CALN1: variants seen among roughly 807,000 people sequenced by gnomAD.
CALN1 encodes the protein calcium-binding protein 8.
A neutral mutation model predicts 30.6 loss-of-function variants in CALN1; 17 were observed. That is an observed-to-expected ratio of 0.56 (90% CI 0.38 to 0.83). The LOEUF is 0.83. CALN1 is among the 40% of genes least tolerant of loss of function. The probability of loss-of-function intolerance (pLI) is 0.00; values close to 1 mark genes in which losing one functional copy is unlikely to be tolerated. For missense variants in CALN1, 291 were observed against 354.9 expected (o/e 0.82, Z 1.45); for synonymous variants, 156 against 131.4 (o/e 1.19, Z -1.28).
chr7:72,076,599 GAAAAAAAAAAGCAAAAAAAAAAAAAAAA>G lies in CALN1; in HGVS notation c.388+29524_388+29551del, dbSNP rs1444445070. 1.2e-3 allele frequency among the ~76,000 whole-genome samples: 34 copies of G among 29,454 alleles called. 1 individual carries two copies. Among genetic ancestry groups the G allele is most frequent in the Middle Eastern group, 0.029 (1 of 34 alleles). 19.3% of individuals were successfully genotyped at this position (29,454 alleles called of 152,430 possible). A position where few individuals can be genotyped will look rare whatever the true frequency, so the allele number is the denominator to read the frequency against. ...GGGAACAAGAGTGAAACTCCGTCTA[GAAAAAAAAAAGCAAAAAAAAAAAAAAAA>G]AAAAAAAAAAAAAAAAAAAAGCAAA... On this transcript the variant is annotated intron_variant, in intron 4 of 6. Transcript: ENST00000395275.
intron 3 of CALN1, among the ~76,000 whole-genome samples, chr7:72,193,596 G>A (rs1042038277): frequency 6.6e-6 from 1 of 152,084 alleles, no homozygotes; most frequent in East Asian, 1.9e-4. Context: ...TGGGCTAGAC[G>A]GTATATGTTA....
intron 5 of CALN1, among the ~76,000 whole-genome samples, chr7:71,962,085 G>T (rs1255843229): frequency 6.8e-6 from 1 of 146,742 alleles, no homozygotes; most frequent in African/African-American, 2.4e-5. Flanking sequence ...TGCAAGATAG[G>T]AAAGTTATTA....
At chr7:71,816,433 G>T (rs530644392) in intron 5 of CALN1, among the ~76,000 whole-genome samples, 6 of 152,112 alleles carry the variant, frequency 3.9e-5, no homozygotes, top group African/African-American at 1.4e-4. Context: ...TGAAGAGGAT[G>T]ATTTACAGAT....
chr7:72,269,756 G>C (rs513388), intron 3 of CALN1, among the ~76,000 whole-genome samples: 1 of 152,084 alleles, frequency 6.6e-6, no homozygotes, highest in Non-Finnish European at 1.5e-5. Flanking sequence ...TCTAACATAG[G>C]ATTCACAATG....
intron 2 of CALN1, among the ~76,000 whole-genome samples, chr7:72,287,150 G>A (rs1464221069): frequency 1.3e-5 from 2 of 151,950 alleles, no homozygotes; most frequent in East Asian, 3.9e-4. Context: ...TGCCTTCTTT[G>A]CTTATTTTTT....
At chr7:72,151,018 C>T (rs927720000) in intron 3 of CALN1, among the ~76,000 whole-genome samples, 1 of 152,090 alleles carries the variant, frequency 6.6e-6, no homozygotes, top group African/African-American at 2.4e-5. Context: ...CTCACACTGC[C>T]TTCCCGTCCT....
At chr7:72,442,375 C>T (rs779842651) in intron 1 of CALN1, among the ~76,000 whole-genome samples, 1 of 152,230 alleles carries the variant, frequency 6.6e-6, no homozygotes, top group Non-Finnish European at 1.5e-5. Context: ...TTTCATTCTG[C>T]TGCCACCTTT....
At chr7:72,007,140 C>A (rs150453956) in intron 5 of CALN1, among the ~76,000 whole-genome samples, 26 of 152,178 alleles carry the variant, frequency 1.7e-4, no homozygotes, top group African/African-American at 6.0e-4. Flanking sequence ...GGAATAAAGA[C>A]GACATTTCCC....
chr7:71,993,301 A>T (rs1456074506), intron 5 of CALN1, among the ~76,000 whole-genome samples: 1 of 152,096 alleles, frequency 6.6e-6, no homozygotes, highest in African/African-American at 2.4e-5. Flanking sequence ...AGATATAAGT[A>T]AGTGCTCACT....
At chr7:72,223,734 G>A (rs1793472666) in intron 3 of CALN1, among the ~76,000 whole-genome samples, 1 of 152,188 alleles carries the variant, frequency 6.6e-6, no homozygotes, top group South Asian at 2.1e-4. Flanking sequence ...CAGTAGCAAA[G>A]ACATGAAATC....
intron 4 of CALN1, among the ~76,000 whole-genome samples, chr7:72,037,929 CAG>C (rs1001397459): frequency 6.6e-6 from 1 of 152,156 alleles, no homozygotes; most frequent in African/African-American, 2.4e-5. Context: ...TGGCTCCCCA[CAG>C]GGGGAAAATA....
intron 2 of CALN1, among the ~76,000 whole-genome samples, chr7:72,323,983 G>T (rs76087980): frequency 2.0e-5 from 3 of 151,684 alleles, no homozygotes; most frequent in Admixed American, 2.0e-4. Context: ...GGTTGAGGCT[G>T]TGCCACTGCA....
chr7:72,357,549 G>A (rs545931501), intron 2 of CALN1, among the ~76,000 whole-genome samples: 7 of 151,946 alleles, frequency 4.6e-5, no homozygotes, highest in South Asian at 4.1e-4. Flanking sequence ...ATCTTACCAT[G>A]AGCATCATGA....
intron 2 of CALN1, among the ~76,000 whole-genome samples, chr7:72,295,169 TTAAAA>T (rs945868620): frequency 1.3e-5 from 2 of 152,188 alleles, no homozygotes; most frequent in African/African-American, 4.8e-5. Flanking sequence ...TAAAATTTTT[TTAAAA>T]TAAAATAGAA....
At chr7:71,891,068 A>T (rs1207799056) in intron 5 of CALN1, among the ~76,000 whole-genome samples, 1 of 152,038 alleles carries the variant, frequency 6.6e-6, no homozygotes, top group Non-Finnish European at 1.5e-5. Context: ...CTTTCAACCT[A>T]AATGTCTACC....
chr7:72,111,538 G>A (rs1251282951), intron 3 of CALN1, among the ~76,000 whole-genome samples: 1 of 150,390 alleles, frequency 6.6e-6, no homozygotes, highest in Admixed American at 6.6e-5. Context: ...GCTCACTGCA[G>A]CCTTGAGCTC....
chr7:71,836,927 G>A (rs972282614), intron 5 of CALN1, among the ~76,000 whole-genome samples: 1 of 146,340 alleles, frequency 6.8e-6, no homozygotes, highest in African/African-American at 2.5e-5. Context: ...CCAGAAAATT[G>A]TTATTTCTAA....
intron 5 of CALN1, among the ~76,000 whole-genome samples, chr7:71,874,601 C>A (rs886706154): frequency 7.9e-5 from 12 of 152,138 alleles, no homozygotes; most frequent in Non-Finnish European, 1.8e-4. Flanking sequence ...TACTCACCAG[C>A]CACTACAGTA....
chr7:72,040,097 C>T (rs936472938), intron 4 of CALN1, among the ~76,000 whole-genome samples: 2 of 152,154 alleles, frequency 1.3e-5, no homozygotes, highest in Admixed American at 1.3e-4. Context: ...AACACCCCTT[C>T]CCCACCCTGA....
Sources: allele counts gnomAD v4.1 joint callset (sites outside exome capture counted in the v4.1 genomes callset), GRCh38; gene constraint gnomAD v4.1.1; transcripts MANE v1.5; gene names NCBI Gene and HGNC (gene_info 2026-07-23, HGNC 2026-07-21).